Variants in EIF4E2 observed in about 807,000 individuals in gnomAD.
The protein encoded by EIF4E2 is eukaryotic translation initiation factor 4E type 2.
In EIF4E2, 13 loss-of-function variants were observed where a neutral mutation model predicts 34.2. That is an observed-to-expected ratio of 0.38 (90% CI 0.25 to 0.60). The LOEUF (loss-of-function observed/expected upper bound fraction) is 0.60. EIF4E2 is among the 20% of genes least tolerant of loss of function. The probability of loss-of-function intolerance (pLI) is 0.62; values close to 1 mark genes in which losing one functional copy is unlikely to be tolerated. For missense variants in EIF4E2, 222 were observed against 315.1 expected, an observed-to-expected ratio of 0.70 and a Z score of 2.24; for synonymous variants, 100 against 106.6, an observed-to-expected ratio of 0.94 and a Z score of 0.38.
chr2:232,579,601 G>A (rs565636538), intron 6 of EIF4E2, among the ~76,000 whole-genome samples: 21 of 152,300 alleles, frequency 1.4e-4, no homozygotes, highest in Middle Eastern at 3.4e-3. Flanking sequence ...ACTGCTGTTT[G>A]GCTGGGCTGA....
At chr2:232,574,310 C>T (rs541406459) in intron 6 of EIF4E2, 2 of 1,550,518 alleles carry the variant, frequency 1.3e-6, no homozygotes, top group South Asian at 1.2e-5. Flanking sequence ...GGCCGCTGAT[C>T]GGACGCTCCC....
chr2:232,550,973 G>C (rs1692289083), intron 1 of EIF4E2: 1 of 615,936 alleles, frequency 1.6e-6, no homozygotes. Context: ...AGCTGGGCCC[G>C]GGGGAGGGGT....
At chr2:232,551,693 T>C (rs553134786) in intron 1 of EIF4E2, among the ~76,000 whole-genome samples, 66 of 152,356 alleles carry the variant, frequency 4.3e-4, no homozygotes, top group African/African-American at 1.5e-3. Context: ...TTAAAGATGC[T>C]TGTGAACATT....
intron 6 of EIF4E2, among the ~76,000 whole-genome samples, chr2:232,575,619 G>A (rs1693193060): frequency 6.6e-6 from 1 of 152,094 alleles, no homozygotes; most frequent in African/African-American, 2.4e-5. Context: ...GTGTATGTGT[G>A]CATATATATA....
At chr2:232,574,141 C>T (rs140753808), downstream of EIF4E2, 421 of 995,268 alleles carry the variant, frequency 4.2e-4, no homozygotes, top group African/African-American at 6.1e-3. Flanking sequence ...TCCCAGGTAC[C>T]TGTGGCTCCA....
intron 6 of EIF4E2, among the ~76,000 whole-genome samples, chr2:232,578,506 C>A (rs1029427415): frequency 5.9e-5 from 9 of 152,032 alleles, no homozygotes; most frequent in African/African-American, 2.2e-4. Context: ...TGGTGCACGC[C>A]TGTAGTTCCA....
intron 1 of EIF4E2, among the ~76,000 whole-genome samples, chr2:232,553,491 T>A (rs1692416819): frequency 6.6e-6 from 1 of 152,120 alleles, no homozygotes; most frequent in Non-Finnish European, 1.5e-5. Context: ...GCCCACAAGG[T>A]ATTGGTCTAG....
chr2:232,568,262 A>C, intron 6 of EIF4E2: 1 of 985,392 alleles, frequency 1.0e-6, no homozygotes, highest in Non-Finnish European at 1.2e-6. Context: ...TTTCCCATGC[A>C]TTCATAGATA....
intron 6 of EIF4E2, chr2:232,568,173 A>G (rs3791711): frequency 0.47 from 463,708 of 984,868 alleles, 109,838 homozygotes; most frequent in South Asian, 0.61. Flanking sequence ...ATTAGTAAGA[A>G]TATCATCATG....
At chr2:232,567,013 G>C in intron 5 of EIF4E2, 32 bp downstream of exon 5, 1 of 1,593,058 alleles carries the variant, frequency 6.3e-7, no homozygotes, top group Non-Finnish European at 8.6e-7. Flanking sequence ...CTGGTTTCTT[G>C]TGTTGCCTTT....
In EIF4E2 at chr2:232,556,437, G is replaced by A. The variant is rs1692524757; in HGVS notation, c.42G>A (p.Gly14=). Residue 14 remains glycine, a synonymous_variant, in exon 2 of 7, where the codon GGG becomes GGA. Transcript: ENST00000258416. ...KFDALKDDDS[G]DHDQNEENST... ...TCAGTTTGAAAGATGATGACAGTGGGGACCATGATCAGAATGAAGAAAACA... is the reference window on the plus strand; with the variant it reads ...TCAGTTTGAAAGATGATGACAGTGGAGACCATGATCAGAATGAAGAAAACA... The A allele has an allele frequency of 6.2e-7, 1 of 1,613,552 alleles. No individual in the cohort carries two copies. The highest frequency in any genetic ancestry group is 1.7e-5 in the Admixed American group (1 of 59,950).
downstream of EIF4E2, among the ~76,000 whole-genome samples, chr2:232,572,635 T>C (rs756030752): frequency 6.6e-6 from 1 of 152,180 alleles, no homozygotes; most frequent in African/African-American, 2.4e-5. Flanking sequence ...CCGAAGTGAT[T>C]ACAGGCGTGA....
intron 6 of EIF4E2, among the ~76,000 whole-genome samples, chr2:232,579,121 AAT>A (rs1398379744): frequency 2.9e-5 from 2 of 69,378 alleles, no homozygotes; most frequent in Non-Finnish European, 5.8e-5. Flanking sequence ...AGAACTCAGA[AAT>A]ACACACACAC....
At chr2:232,563,826 A>G (rs1303391367) in intron 3 of EIF4E2, among the ~76,000 whole-genome samples, 2 of 152,216 alleles carry the variant, frequency 1.3e-5, no homozygotes, top group African/African-American at 2.4e-5. Context: ...ATTTGGTTCT[A>G]AAAAATGCAT....
At chr2:232,582,792 G>A (rs1264643989) in exon 7 of EIF4E2, 3 of 151,150 alleles carry the variant, frequency 2.0e-5, no homozygotes, top group Non-Finnish European at 4.4e-5. Flanking sequence ...TAGGTGTGTT[G>A]TCCATAGTTT....
At chr2:232,570,598 T>C (rs1192063958), downstream of EIF4E2, among the ~76,000 whole-genome samples, 8 of 152,348 alleles carry the variant, frequency 5.3e-5, no homozygotes, top group African/African-American at 1.9e-4. Context: ...CTTGTGGCTC[T>C]TCCATGGATA....
chr2:232,565,463 G>A (rs1170442611), intron 4 of EIF4E2, among the ~76,000 whole-genome samples: 4 of 151,960 alleles, frequency 2.6e-5, no homozygotes, highest in Admixed American at 6.6e-5. Context: ...GTGAAACCCC[G>A]TCTCTACTAA....
intron 6 of EIF4E2, among the ~76,000 whole-genome samples, chr2:232,574,965 T>G (rs1454061408): frequency 2.0e-5 from 3 of 152,162 alleles, no homozygotes; most frequent in African/African-American, 7.2e-5. Context: ...ATATTTGTAT[T>G]TCAGTTAAGA....
intron 2 of EIF4E2, 139 bp downstream of exon 2, chr2:232,556,669 A>G (rs766340755): frequency 6.1e-6 from 4 of 653,972 alleles, no homozygotes; most frequent in Non-Finnish European, 1.1e-5. Flanking sequence ...TCAGAAAAAC[A>G]TTGTGCAATC....
Sources: gnomAD v4.1 joint callset for allele counts (sites outside exome capture counted in the v4.1 genomes callset) on GRCh38, gnomAD v4.1.1 for gene constraint, MANE v1.5 for transcripts, NCBI Gene and HGNC (gene_info 2026-07-23, HGNC 2026-07-21) for gene names.